ZNF425: variants seen among roughly 807,000 people sequenced by gnomAD.
The protein encoded by ZNF425 is zinc finger protein 425.
A neutral mutation model predicts 17.0 loss-of-function variants in ZNF425; 21 were observed. The observed-to-expected ratio is 1.23, with a 90% CI of 0.88 to 1.78. The LOEUF is 1.78. ZNF425 is among the 40% of genes most tolerant of loss of function. The pLI, the probability that ZNF425 is intolerant of heterozygous loss-of-function variation, is 0.00. For synonymous variants in ZNF425, 433 were observed against 384.1 expected, an observed-to-expected ratio of 1.13 and a Z score of -1.49; for missense variants, 868 against 967.3, an observed-to-expected ratio of 0.90 and a Z score of 1.36.
chr7:149,104,044 G>C lies in ZNF425; in HGVS notation c.1827C>G (p.Pro609=), dbSNP rs1280239516. Residue 609 remains proline (P), a synonymous_variant, in exon 4 of 4, where the codon CCC becomes CCG. Transcript: ENST00000378061. The surrounding 1 kb of genome is among the most constrained non-coding windows in gnomAD (Gnocchi z 4.3). The stretch of plus-strand genomic sequence containing the variant: ...TCTTCTCGCATTCAGGACACTGGTA[G>C]GGCTTCTCTCCACTGTGCAGCCTCA... ...EHLRLHSGEK[P]YQCPECEKTF... The C allele has an allele frequency of 5.0e-6, 8 of 1,613,656 alleles. No individual in the cohort carries two copies. In the African/African-American group the frequency reaches 1.1e-4, roughly 22 times the overall value.
intron 2 of ZNF425, among the ~76,000 whole-genome samples, chr7:149,112,970 AC>A (rs1826199137): frequency 1.7e-5 from 2 of 117,668 alleles, no homozygotes; most frequent in East Asian, 2.4e-4. Flanking sequence ...CAGCCCCGTG[AC>A]CCTTTTTTTT....
Sources: gnomAD v4.1 joint callset for allele counts (sites outside exome capture counted in the v4.1 genomes callset) on GRCh38, gnomAD v4.1.1 for gene constraint, Gnocchi (gnomAD v3.1) non-coding constraint, MANE v1.5 for transcripts, NCBI Gene and HGNC (gene_info 2026-07-23, HGNC 2026-07-21) for gene names.